The following FHIT variants were observed in gnomAD, a reference collection of about 807,000 sequenced individuals.
FHIT encodes the protein fragile histidine triad diadenosine triphosphatase.
Under a neutral mutation model 17.9 loss-of-function variants are expected in FHIT, and 19 were observed. That is an observed-to-expected ratio of 1.06 (90% CI 0.74 to 1.56). The LOEUF is 1.56. Ranked by LOEUF, FHIT falls within the 40% of genes most tolerant of loss-of-function variation. The probability of loss-of-function intolerance (pLI) is 0.00; values close to 1 mark genes in which losing one functional copy is unlikely to be tolerated. For synonymous variants in FHIT, 81 were observed against 69.7 expected, an observed-to-expected ratio of 1.16 and a Z score of -0.81; for missense variants, 248 against 189.2, an observed-to-expected ratio of 1.31 and a Z score of -1.82.
intron 7 of FHIT, among the ~76,000 whole-genome samples, chr3:59,938,391 G>A (rs777442990): frequency 1.4e-4 from 21 of 152,232 alleles, no homozygotes; most frequent in Non-Finnish European, 2.1e-4. Context: ...ATCAGACTGC[G>A]GTGGAGGTTG....
At chr3:60,042,535 T>G (rs1701483330) in intron 5 of FHIT, among the ~76,000 whole-genome samples, 1 of 152,104 alleles carries the variant, frequency 6.6e-6, no homozygotes, top group Non-Finnish European at 1.5e-5. Flanking sequence ...GCTGTCTTCT[T>G]GATGGATTTC....
intron 5 of FHIT, among the ~76,000 whole-genome samples, chr3:60,243,392 G>A (rs1002658782): frequency 6.6e-5 from 10 of 152,088 alleles, no homozygotes; most frequent in East Asian, 1.9e-4. Context: ...GGTTTCTTCA[G>A]AGAATGTAAC....
At chr3:60,408,340 C>A (rs543055752) in intron 5 of FHIT, among the ~76,000 whole-genome samples, 1 of 152,062 alleles carries the variant, frequency 6.6e-6, no homozygotes, top group Non-Finnish European at 1.5e-5. Flanking sequence ...ATTGTCAGAC[C>A]CCTCCTGCAA....
chr3:60,091,067 C>T (rs1446552781), intron 5 of FHIT, among the ~76,000 whole-genome samples: 2 of 152,158 alleles, frequency 1.3e-5, no homozygotes, highest in Non-Finnish European at 2.9e-5. Flanking sequence ...AGCAGACAGT[C>T]GTCTCCTTGG....
At chr3:60,089,850 G>A (rs1297065524) in intron 5 of FHIT, among the ~76,000 whole-genome samples, 1 of 152,078 alleles carries the variant, frequency 6.6e-6, no homozygotes, top group Non-Finnish European at 1.5e-5. Context: ...TTGTTGAATT[G>A]GGGATTAAGT....
intron 3 of FHIT, among the ~76,000 whole-genome samples, chr3:60,867,249 G>A (rs1553754051): frequency 6.6e-6 from 1 of 152,136 alleles, no homozygotes; most frequent in African/African-American, 2.4e-5. Flanking sequence ...CACACTAACT[G>A]AATATGGAAA....
chr3:60,560,727 T>C (rs2036906635), intron 4 of FHIT, among the ~76,000 whole-genome samples: 1 of 151,672 alleles, frequency 6.6e-6, no homozygotes, highest in Admixed American at 6.6e-5. Flanking sequence ...GCCGGTCCTT[T>C]ACTTTTAGGT....
chr3:60,545,411 C>G (rs1016012892), intron 4 of FHIT, among the ~76,000 whole-genome samples: 6 of 152,010 alleles, frequency 3.9e-5, no homozygotes, highest in African/African-American at 1.4e-4. Flanking sequence ...TTTGGATTTA[C>G]TATGTTGCAG....
At chr3:60,036,819 G>A (rs1701237291) in intron 5 of FHIT, among the ~76,000 whole-genome samples, 1 of 152,212 alleles carries the variant, frequency 6.6e-6, no homozygotes, top group East Asian at 1.9e-4. Context: ...GACACATTGG[G>A]CCATATCCTA....
At chr3:60,206,268 A>G (rs1298796309) in intron 5 of FHIT, among the ~76,000 whole-genome samples, 2 of 152,024 alleles carry the variant, frequency 1.3e-5, no homozygotes, top group African/African-American at 2.4e-5. Flanking sequence ...AGAGGGCACC[A>G]TATTTCTCCC....
intron 2 of FHIT, among the ~76,000 whole-genome samples, chr3:61,060,368 C>T (rs1438790584): frequency 1.3e-5 from 2 of 152,136 alleles, no homozygotes; most frequent in African/African-American, 4.8e-5. Flanking sequence ...TAAGGACTTA[C>T]TGTACTTTAC....
chr3:60,967,239 T>C (rs1407478328), intron 3 of FHIT, among the ~76,000 whole-genome samples: 2 of 152,230 alleles, frequency 1.3e-5, no homozygotes, highest in African/African-American at 4.8e-5. Flanking sequence ...TTTGTGGGAA[T>C]ATGTATGAAC....
intron 5 of FHIT, among the ~76,000 whole-genome samples, chr3:60,102,396 C>A (rs1050542229): frequency 6.6e-6 from 1 of 152,118 alleles, no homozygotes; most frequent in Non-Finnish European, 1.5e-5. Context: ...ATGGAAGCAA[C>A]GAGAAATGCA....
At chr3:60,913,057 A>C (rs374820660) in intron 3 of FHIT, among the ~76,000 whole-genome samples, 27 of 152,338 alleles carry the variant, frequency 1.8e-4, no homozygotes, top group African/African-American at 6.0e-4. Flanking sequence ...AGCACTCTGT[A>C]GGTGAAAGCA....
At chr3:61,064,942 A>G (rs1170271194) in intron 2 of FHIT, among the ~76,000 whole-genome samples, 1 of 152,152 alleles carries the variant, frequency 6.6e-6, no homozygotes, top group Non-Finnish European at 1.5e-5. Flanking sequence ...CAACATCCCA[A>G]GCTCATTATA....
intron 4 of FHIT, among the ~76,000 whole-genome samples, chr3:60,592,751 T>C (rs1226492178): frequency 4.6e-5 from 7 of 152,038 alleles, no homozygotes; most frequent in African/African-American, 1.4e-4. Context: ...TAGGCAGTTG[T>C]GCAGGCTCCC....
intron 5 of FHIT, among the ~76,000 whole-genome samples, chr3:60,128,046 G>T (rs1018004830): frequency 6.6e-6 from 1 of 152,180 alleles, no homozygotes; most frequent in Non-Finnish European, 1.5e-5. Flanking sequence ...TGGATATGAA[G>T]TATATACAAG....
chr3:60,107,438 C>T (rs942060754), intron 5 of FHIT, among the ~76,000 whole-genome samples: 1 of 152,012 alleles, frequency 6.6e-6, no homozygotes, highest in Non-Finnish European at 1.5e-5. Flanking sequence ...TTTGATCGAA[C>T]AACAATTCAT....
rs80317844 is a variant in FHIT, at chr3:60,162,193, G to A, written c.104-148041C>T. Reference sequence around the variant, plus strand: ...AGGAAAGCTTCCTTGAGGGCATTACGTTTTAGGTTTCCAATAAAGGAGAGA... The same window carrying A: ...AGGAAAGCTTCCTTGAGGGCATTACATTTTAGGTTTCCAATAAAGGAGAGA... On this transcript the variant is annotated intron_variant, in intron 5 of 9. Transcript: ENST00000492590. Among the ~76,000 whole-genome samples, 506 of 152,200 alleles carry A rather than the reference G, an allele frequency of 3.3e-3. 4 individuals are homozygous for A. The highest frequency in any genetic ancestry group is 0.012 in the African/African-American group (484 of 41,540).
Sources: gnomAD v4.1 joint callset for allele counts (sites outside exome capture counted in the v4.1 genomes callset) on GRCh38, gnomAD v4.1.1 for gene constraint, MANE v1.5 for transcripts, NCBI Gene and HGNC (gene_info 2026-07-23, HGNC 2026-07-21) for gene names.